TAFA2: variants seen among roughly 807,000 people sequenced by gnomAD.
The protein encoded by TAFA2 is chemokine-like protein TAFA-2.
In TAFA2, 7 loss-of-function variants were observed where a neutral mutation model predicts 18.8. The observed-to-expected ratio is 0.37, with a 90% CI of 0.21 to 0.70. The LOEUF is 0.70. TAFA2 is among the 30% of genes least tolerant of loss of function. TAFA2 has a pLI of 0.53. For missense variants in TAFA2, 122 were observed against 158.1 expected, an observed-to-expected ratio of 0.77 and a Z score of 1.23; for synonymous variants, 60 against 54.2, an observed-to-expected ratio of 1.11 and a Z score of -0.47.
chr12:61,998,878 A>C (rs1035959066), intron 1 of TAFA2, among the ~76,000 whole-genome samples: 9 of 152,218 alleles, frequency 5.9e-5, no homozygotes, highest in Non-Finnish European at 1.0e-4. Context: ...GATCCTGCCA[A>C]ACAGCTCACC....
At chr12:61,731,772 G>C (rs1011366045) in intron 4 of TAFA2, among the ~76,000 whole-genome samples, 1 of 152,066 alleles carries the variant, frequency 6.6e-6, no homozygotes, top group Admixed American at 6.6e-5. Flanking sequence ...GAAAAATTAA[G>C]TGAAACTTCC....
chr12:61,977,124 C>A (rs1879466456), intron 1 of TAFA2, among the ~76,000 whole-genome samples: 1 of 151,996 alleles, frequency 6.6e-6, no homozygotes, highest in Admixed American at 6.6e-5. Flanking sequence ...TTTCAATGCA[C>A]AAAACATATT....
At chr12:62,059,526 A>C (rs1230381700) in intron 1 of TAFA2, among the ~76,000 whole-genome samples, 2 of 151,928 alleles carry the variant, frequency 1.3e-5, no homozygotes, top group African/African-American at 4.8e-5. Flanking sequence ...AGATAGCAGA[A>C]GTTTAGCAGT....
chr12:61,811,312 T>G (rs1334058814), intron 2 of TAFA2, among the ~76,000 whole-genome samples: 1 of 151,428 alleles, frequency 6.6e-6, no homozygotes, highest in Non-Finnish European at 1.5e-5. Flanking sequence ...AGATATTAAG[T>G]TGCCCAAGAT....
At chr12:61,929,475 G>C (rs999597272) in intron 1 of TAFA2, among the ~76,000 whole-genome samples, 1 of 152,146 alleles carries the variant, frequency 6.6e-6, no homozygotes, top group African/African-American at 2.4e-5. Context: ...ACACCAGTTA[G>C]AATGGCAATC....
At chr12:61,738,411 A>C (rs556525519) in intron 4 of TAFA2, among the ~76,000 whole-genome samples, 1 of 152,002 alleles carries the variant, frequency 6.6e-6, no homozygotes, top group South Asian at 2.1e-4. Context: ...TTGTGCATGC[A>C]TATGAGGCTA....
intron 1 of TAFA2, among the ~76,000 whole-genome samples, chr12:61,964,738 C>T (rs1350438656): frequency 6.6e-6 from 1 of 151,810 alleles, no homozygotes; most frequent in Non-Finnish European, 1.5e-5. Context: ...TAATTTTGTA[C>T]TTTCTGCCAT....
rs570084987 is a variant in TAFA2, at chr12:62,053,466, A to G, written c.-2+137793T>C. On this transcript the variant is annotated intron_variant, in intron 1 of 4. Coordinates refer to ENST00000416284, the MANE Select transcript of TAFA2 (RefSeq NM_178539.5). ...TATGTAAAATTGTTATATGAATATA[A>G]TAAATGCTGCTTTAACTTTGAAATA... Among the ~76,000 whole-genome samples the G allele has an allele frequency of 1.2e-4, 19 of 152,338 alleles. 1 individual carries two copies. In the East Asian group the frequency reaches 3.5e-3, roughly 28 times the overall value.
chr12:61,928,387 T>C (rs995763173), intron 1 of TAFA2, among the ~76,000 whole-genome samples: 1 of 152,076 alleles, frequency 6.6e-6, no homozygotes, highest in Non-Finnish European at 1.5e-5. Flanking sequence ...AAAGAAGACG[T>C]TTATGTGGCC....
At chr12:62,137,284 G>A (rs1196594299) in intron 1 of TAFA2, among the ~76,000 whole-genome samples, 2 of 152,112 alleles carry the variant, frequency 1.3e-5, no homozygotes, top group Non-Finnish European at 2.9e-5. Flanking sequence ...TTGAAGGAAA[G>A]TAATATTTAT....
At chr12:62,210,238 A>G (rs1288409092) in intron 1 of TAFA2, among the ~76,000 whole-genome samples, 1 of 151,664 alleles carries the variant, frequency 6.6e-6, no homozygotes. Context: ...CAGATTTACA[A>G]ATAGATTATT....
chr12:61,987,416 C>T (rs915983373), intron 1 of TAFA2, among the ~76,000 whole-genome samples: 5 of 152,160 alleles, frequency 3.3e-5, no homozygotes, highest in Admixed American at 6.5e-5. Context: ...CATCACTGAA[C>T]GAATGTGCTA....
chr12:61,790,366 G>A (rs1870924782), intron 2 of TAFA2, among the ~76,000 whole-genome samples: 1 of 151,770 alleles, frequency 6.6e-6, no homozygotes, highest in South Asian at 2.1e-4. Context: ...GTCCTAGCCA[G>A]AGTAATGAGG....
chr12:61,768,518 G>A (rs1869885612), intron 2 of TAFA2, among the ~76,000 whole-genome samples: 1 of 152,170 alleles, frequency 6.6e-6, no homozygotes, highest in African/African-American at 2.4e-5. Context: ...TAACCAAAGT[G>A]TGAGGGGGAA....
intron 2 of TAFA2, among the ~76,000 whole-genome samples, chr12:61,852,865 G>A (rs1205379881): frequency 2.6e-5 from 4 of 152,144 alleles, no homozygotes; most frequent in African/African-American, 9.7e-5. Context: ...TATTCTAAAA[G>A]CAATAGCATA....
At chr12:62,133,372 A>T (rs1263195046) in intron 1 of TAFA2, among the ~76,000 whole-genome samples, 4 of 152,054 alleles carry the variant, frequency 2.6e-5, no homozygotes. Flanking sequence ...AGGTCAACTC[A>T]GTGAGCACAA....
At chr12:61,943,766 T>G (rs545616535) in intron 1 of TAFA2, among the ~76,000 whole-genome samples, 33 of 143,836 alleles carry the variant, frequency 2.3e-4, no homozygotes, top group African/African-American at 8.5e-4. Context: ...ATCCTAAATA[T>G]ATATGCACCC....
intron 2 of TAFA2, among the ~76,000 whole-genome samples, chr12:61,861,716 G>C (rs1210368372): frequency 6.6e-6 from 1 of 152,030 alleles, no homozygotes; most frequent in African/African-American, 2.4e-5. Context: ...TGTCTCCCAG[G>C]CTTTGAACTA....
chr12:61,845,113 T>G (rs1476857765), intron 2 of TAFA2, among the ~76,000 whole-genome samples: 1 of 151,986 alleles, frequency 6.6e-6, no homozygotes, highest in Non-Finnish European at 1.5e-5. Context: ...TATAATAAAG[T>G]CAAATGAAAA....
Sources: allele counts gnomAD v4.1 joint callset (sites outside exome capture counted in the v4.1 genomes callset), GRCh38; gene constraint gnomAD v4.1.1; transcripts MANE v1.5; gene names NCBI Gene and HGNC (gene_info 2026-07-23, HGNC 2026-07-21).